GLIS3: variants seen among roughly 807,000 people sequenced by gnomAD.
GLIS3 encodes the protein GLIS family zinc finger 3.
In GLIS3, 53 loss-of-function variants were observed where a neutral mutation model predicts 78.6. That is an observed-to-expected ratio of 0.67 (90% CI 0.54 to 0.85). The LOEUF is 0.85. Ranked by LOEUF, GLIS3 falls within the 40% of genes least tolerant of loss-of-function variation. The probability of loss-of-function intolerance (pLI) is 0.00; values close to 1 mark genes in which losing one functional copy is unlikely to be tolerated. For missense variants in GLIS3, 1,703 were observed against 1,231.1 expected (o/e 1.38, Z -5.74); for synonymous variants, 684 against 509.9 (o/e 1.34, Z -4.60).
the GLIS3 span, among the ~76,000 whole-genome samples, chr9:4,406,200 C>G: frequency 1.3e-5 from 2 of 151,920 alleles, no homozygotes; most frequent in Admixed American, 1.3e-4. Flanking sequence ...AATTATTCAA[C>G]GTAGTACTGG....
the GLIS3 span, among the ~76,000 whole-genome samples, chr9:4,439,426 A>G: frequency 6.6e-6 from 1 of 151,892 alleles, no homozygotes; most frequent in Non-Finnish European, 1.5e-5. Context: ...TTCTCCTCCT[A>G]TCTTCTCCCC....
At chr9:4,073,024 A>G (rs1827741126) in intron 4 of GLIS3, among the ~76,000 whole-genome samples, 1 of 149,360 alleles carries the variant, frequency 6.7e-6, no homozygotes, top group African/African-American at 2.5e-5. Context: ...TTTTCTTTAA[A>G]AAAAAAAAAA....
the GLIS3 span, among the ~76,000 whole-genome samples, chr9:4,389,331 C>T: frequency 6.6e-6 from 1 of 152,156 alleles, no homozygotes; most frequent in Non-Finnish European, 1.5e-5. Flanking sequence ...ATCTCTTCCC[C>T]TTCAAGGAAG....
intron 2 of GLIS3, among the ~76,000 whole-genome samples, chr9:4,209,404 C>G (rs115492529): frequency 6.6e-6 from 1 of 152,152 alleles, no homozygotes; most frequent in Non-Finnish European, 1.5e-5. Flanking sequence ...AGAAACTAAA[C>G]GTCTTGGAAT....
intron 2 of GLIS3, among the ~76,000 whole-genome samples, chr9:4,142,531 G>A (rs1833887637): frequency 6.6e-6 from 1 of 152,154 alleles, no homozygotes; most frequent in African/African-American, 2.4e-5. Context: ...GTGGTCTCCT[G>A]TGTTCTAAAC....
intron 4 of GLIS3, among the ~76,000 whole-genome samples, chr9:4,052,118 G>C (rs901796472): frequency 2.6e-5 from 4 of 152,154 alleles, no homozygotes; most frequent in East Asian, 3.8e-4. Context: ...CTGTGTTTAG[G>C]TTCAGTTATA....
intron 2 of GLIS3, among the ~76,000 whole-genome samples, chr9:4,265,908 G>T (rs55836174): frequency 0.019 from 477 of 25,500 alleles, 4 homozygotes; most frequent in South Asian, 0.033. Flanking sequence ...TTTTTTTTTT[G>T]TTTGTCTGTT....
At chr9:4,438,240 T>C in the GLIS3 span, among the ~76,000 whole-genome samples, 113,376 of 152,108 alleles carry the variant, frequency 0.75, 42,433 homozygotes, top group Middle Eastern at 0.86. Flanking sequence ...GTAATGAATG[T>C]TCAGGTACCC....
chr9:4,089,980 G>C (rs1026020331), intron 4 of GLIS3, among the ~76,000 whole-genome samples: 2 of 152,216 alleles, frequency 1.3e-5, no homozygotes, highest in African/African-American at 4.8e-5. Context: ...CCACGGCAGA[G>C]GGGTGCAATG....
At chr9:4,428,116 G>A in the GLIS3 span, among the ~76,000 whole-genome samples, 2 of 152,074 alleles carry the variant, frequency 1.3e-5, no homozygotes, top group African/African-American at 4.8e-5. Flanking sequence ...GGCCATGGGA[G>A]TTTCAGGTGG....
chr9:4,322,917 G>T (rs945645341), intron 2 of GLIS3, among the ~76,000 whole-genome samples: 4 of 152,040 alleles, frequency 2.6e-5, no homozygotes, highest in Admixed American at 2.6e-4. Context: ...TTAGTTTAAT[G>T]AGATCCCATT....
upstream of GLIS3, among the ~76,000 whole-genome samples, chr9:4,300,218 A>T (rs1445522709): frequency 1.4e-5 from 2 of 146,298 alleles, no homozygotes; most frequent in African/African-American, 5.0e-5. Flanking sequence ...TCACACACAC[A>T]CACACACACA....
At chr9:4,041,463 G>A (rs963723587) in intron 4 of GLIS3, among the ~76,000 whole-genome samples, 3 of 152,136 alleles carry the variant, frequency 2.0e-5, no homozygotes, top group Admixed American at 1.3e-4. Flanking sequence ...GTGGAAAAAA[G>A]CTTGGGTCAA....
At chr9:4,402,813 T>G in the GLIS3 span, among the ~76,000 whole-genome samples, 1 of 152,050 alleles carries the variant, frequency 6.6e-6, no homozygotes, top group African/African-American at 2.4e-5. Context: ...GAAGCATGCC[T>G]AGAAGATCTA....
chr9:4,350,012 C>T (rs74315806), upstream of GLIS3, among the ~76,000 whole-genome samples: 395 of 152,304 alleles, frequency 2.6e-3, no homozygotes, highest in Non-Finnish European at 4.7e-3. Flanking sequence ...CTTAGACGGA[C>T]CAAGAGCAGT....
chr9:3,891,030 C>T (rs185312839), intron 7 of GLIS3, among the ~76,000 whole-genome samples: 1 of 147,200 alleles, frequency 6.8e-6, no homozygotes, highest in African/African-American at 2.5e-5. Context: ...TGATTGTATT[C>T]CCAAACTTTT....
chr9:4,043,851 A>C (rs1825029783), intron 4 of GLIS3, among the ~76,000 whole-genome samples: 2 of 152,218 alleles, frequency 1.3e-5, no homozygotes, highest in African/African-American at 4.8e-5. Context: ...TTCAGAGTTC[A>C]CTTGTAGTTC....
At chr9:4,175,150 T>C (rs1022478881) in intron 2 of GLIS3, among the ~76,000 whole-genome samples, 42 of 152,166 alleles carry the variant, frequency 2.8e-4, no homozygotes, top group African/African-American at 1.0e-3. Context: ...CATCCAAAAT[T>C]CTCCCTTGCT....
the GLIS3 span, among the ~76,000 whole-genome samples, chr9:4,407,839 G>C: frequency 4.2e-4 from 64 of 152,156 alleles, no homozygotes; most frequent in South Asian, 0.012. Flanking sequence ...CCCGCAGAAT[G>C]AGAGAAAGTA....
Sources: gnomAD v4.1 joint callset for allele counts (sites outside exome capture counted in the v4.1 genomes callset) on GRCh38, gnomAD v4.1.1 for gene constraint, MANE v1.5 for transcripts, NCBI Gene and HGNC (gene_info 2026-07-23, HGNC 2026-07-21) for gene names.